GARIN6: variants seen among roughly 807,000 people sequenced by gnomAD.
GARIN6 encodes Golgi-associated RAB2 interactor protein 6.
the GARIN6 span, chr12:99,648,626 A>C: frequency 1.2e-6 from 2 of 1,614,250 alleles, no homozygotes; most frequent in Non-Finnish European, 1.7e-6. Context: ...TTTTATCTTC[A>C]GCTGTGTCCT....
chr12:99,649,255 C>A, the GARIN6 span: 1 of 1,508,606 alleles, frequency 6.6e-7, no homozygotes, highest in South Asian at 1.1e-5. Flanking sequence ...TCTTGCTGGT[C>A]TCACTGTCTT....
the GARIN6 span, chr12:99,649,754 A>G: frequency 5.5e-6 from 1 of 182,396 alleles, no homozygotes; most frequent in Non-Finnish European, 1.1e-5. Flanking sequence ...AGCAGTATGA[A>G]TGTGGTGGCT....
the GARIN6 span, chr12:99,649,581 T>C: frequency 3.6e-6 from 2 of 558,142 alleles, no homozygotes; most frequent in Non-Finnish European, 3.2e-6. Flanking sequence ...AACACAGCAC[T>C]GGCAAAAGCA....
the GARIN6 span, chr12:99,648,858 C>G: frequency 6.6e-7 from 1 of 1,504,860 alleles, no homozygotes; most frequent in Non-Finnish European, 8.9e-7. Context: ...TCCTGTAAAG[C>G]CTTTGGTGCT....
the GARIN6 span, among the ~76,000 whole-genome samples, chr12:99,648,952 G>A: frequency 6.6e-6 from 1 of 152,150 alleles, no homozygotes; most frequent in Non-Finnish European, 1.5e-5. Flanking sequence ...ACATTGAGGA[G>A]GTTCCTAGTG....
At chr12:99,648,910 G>C in the GARIN6 span, 2 of 1,350,028 alleles carry the variant, frequency 1.5e-6, no homozygotes, top group Non-Finnish European at 2.0e-6. Context: ...AAGGTCTGAA[G>C]GCCAAATGAG....
chr12:99,649,510 G>T, the GARIN6 span: 1 of 790,590 alleles, frequency 1.3e-6, no homozygotes. Flanking sequence ...AGTGATGACA[G>T]TAAGCACCAC....
chr12:99,648,136 G>A, the GARIN6 span: 565 of 1,583,584 alleles, frequency 3.6e-4, 7 homozygotes, highest in East Asian at 0.013. Context: ...AGGAAGGTGT[G>A]GAGCAGCTGC....
the GARIN6 span, chr12:99,648,373 C>T: frequency 2.4e-5 from 38 of 1,613,972 alleles, no homozygotes; most frequent in Admixed American, 3.3e-5. Context: ...CAACCGTGCC[C>T]GAATGGTAAC....
At chr12:99,648,800 G>A in the GARIN6 span, 55 of 1,602,236 alleles carry the variant, frequency 3.4e-5, no homozygotes, top group African/African-American at 6.4e-4. Flanking sequence ...GTGAGTCTAT[G>A]CAGAGACTAG....
At chr12:99,648,417 A>G in the GARIN6 span, 2 of 1,614,066 alleles carry the variant, frequency 1.2e-6, no homozygotes, top group African/African-American at 1.3e-5. Context: ...CCTGCCTCAC[A>G]CTACCTGATG....
At chr12:99,648,074 G>A in the GARIN6 span, 233,103 of 1,490,480 alleles carry the variant, frequency 0.16, 21,770 homozygotes, top group East Asian at 0.45. Flanking sequence ...CACGACTGCT[G>A]GCCCACCTGC....
chr12:99,648,087 G>C, the GARIN6 span: 2 of 1,521,764 alleles, frequency 1.3e-6, no homozygotes, highest in South Asian at 1.3e-5. Context: ...CCACCTGCCA[G>C]AGTAGCCAAG....
At chr12:99,648,877 C>T in the GARIN6 span, 4 of 1,466,006 alleles carry the variant, frequency 2.7e-6, no homozygotes, top group Admixed American at 1.1e-4. Flanking sequence ...CTGCAGCTCA[C>T]CTGGGAAATG....
chr12:99,648,131 G>A, the GARIN6 span: 4 of 1,576,758 alleles, frequency 2.5e-6, no homozygotes, highest in Non-Finnish European at 3.5e-6. Context: ...TGTTAAGGAA[G>A]GTGTGGAGCA....
chr12:99,649,482 C>T, the GARIN6 span: 3 of 1,092,854 alleles, frequency 2.7e-6, no homozygotes, highest in Non-Finnish European at 4.1e-6. Context: ...GATGAAGGGG[C>T]AGGGTAGCAA....
chr12:99,647,974 C>A, the GARIN6 span: 1 of 673,140 alleles, frequency 1.5e-6, no homozygotes, highest in Non-Finnish European at 2.4e-6. Flanking sequence ...ATCCAGGGGA[C>A]TGACTGTCTC....
At chr12:99,649,546 A>T in the GARIN6 span, 1 of 627,108 alleles carries the variant, frequency 1.6e-6, no homozygotes, top group South Asian at 2.0e-5. Context: ...TGTGGCTGCA[A>T]CCAAGTCTGC....
chr12:99,647,874 G>A, the GARIN6 span: 1 of 372,888 alleles, frequency 2.7e-6, no homozygotes, highest in South Asian at 6.3e-5. Context: ...CCTCCCGAAT[G>A]AGCACTGACA....
Sources: allele counts gnomAD v4.1 joint callset (sites outside exome capture counted in the v4.1 genomes callset), GRCh38; gene constraint gnomAD v4.1.1; transcripts MANE v1.5; gene names NCBI Gene and HGNC (gene_info 2026-07-23, HGNC 2026-07-21).